Variants in NUP98 observed in about 807,000 individuals in gnomAD.
The protein encoded by NUP98 is nuclear pore complex protein Nup98-Nup96.
Under a neutral mutation model 191.9 loss-of-function variants are expected in NUP98, and 26 were observed. The observed-to-expected ratio is 0.14, with a 90% CI of 0.10 to 0.19. The LOEUF is 0.19. Among genes scored for constraint, NUP98 ranks in the 10% least tolerant of loss-of-function variants. The probability of loss-of-function intolerance (pLI) is 1.00; values close to 1 mark genes in which losing one functional copy is unlikely to be tolerated. For missense variants in NUP98, 1,941 were observed against 2,178.8 expected (o/e 0.89, Z 2.17); for synonymous variants, 808 against 778.4 (o/e 1.04, Z -0.63).
At chr11:3,738,197 T>G (rs2080147031) in intron 12 of NUP98, among the ~76,000 whole-genome samples, 1 of 151,830 alleles carries the variant, frequency 6.6e-6, no homozygotes, top group Non-Finnish European at 1.5e-5. Context: ...TTGTGTTAAC[T>G]GTAGTATTTA....
chr11:3,726,697 A>G (rs888105589), intron 14 of NUP98, among the ~76,000 whole-genome samples: 19 of 152,160 alleles, frequency 1.2e-4, no homozygotes, highest in African/African-American at 3.6e-4. Context: ...TCCCCCAAAC[A>G]GTCTTATAAA....
Position 3,735,203 on chromosome 11 carries a change from C to A in NUP98, c.1530G>T (p.Lys510Asn), listed in dbSNP as rs1352305637. The A allele has an allele frequency of 1.3e-6, 2 of 1,586,800 alleles. No individual in the cohort carries two copies. Among genetic ancestry groups the A allele is most frequent in the Admixed American group, 3.5e-5 (2 of 57,654 alleles). Residue 510 changes from lysine (K) to asparagine (N), a missense_variant, in exon 13 of 33, where the codon AAG (lysine) becomes AAT (asparagine). This residue lies in a region of NUP98 where 453 missense variants were observed against 438.2 expected (regional missense o/e 1.03). Transcript: ENST00000324932. The stretch of plus-strand genomic sequence containing the variant: ...TCCTTAAATTTACCTCTTCCTTCTT[C>A]TTAGGGTCTGACATCGGATTCCGGA... ...PLFRNPMSDP[K>N]KKEERLKPTN...
Position 3,712,401 on chromosome 11 carries a change from G to A in NUP98, c.2742+163C>T, listed in dbSNP as rs998004083. 75 of 1,417,098 alleles carry A rather than the reference G, an allele frequency of 5.3e-5. No homozygotes were observed. In the African/African-American group the frequency reaches 9.0e-4, roughly 17 times the overall value. 87.8% of individuals were successfully genotyped at this position (1,417,098 alleles called of 1,614,324 possible). On this transcript the variant is annotated intron_variant, in intron 20 of 32. Transcript: ENST00000324932. Reference sequence around the variant, plus strand: ...CTCTCCAGTAAAAAGACAGATGCCTGCAAGACCTCACGCCCTCCCTTGCAC... The same window carrying A: ...CTCTCCAGTAAAAAGACAGATGCCTACAAGACCTCACGCCCTCCCTTGCAC...
chr11:3,794,988 A>G (rs1039944342), intron 1 of NUP98, among the ~76,000 whole-genome samples: 2 of 152,218 alleles, frequency 1.3e-5, no homozygotes, highest in African/African-American at 2.4e-5. Context: ...TAGTCTCATT[A>G]TTGGAAATTA....
chr11:3,784,596 C>CAAA (rs60126486), intron 1 of NUP98, among the ~76,000 whole-genome samples: 7,866 of 141,844 alleles, frequency 0.055, 297 homozygotes, highest in Middle Eastern at 0.089. Flanking sequence ...AAAAAAAAAA[C>CAAA]AAAAAAAAAC....
At position 3,675,308 on chromosome 11, in the gene NUP98, G is replaced by T. The variant is rs1452870060; in HGVS notation, c.*851C>A. ...TCATGGTTTGTTTTTGCTTCTGGAA[G>T]GGGTAGATGGAGGGTGGGAAATGCT... On this transcript the variant is annotated 3_prime_UTR_variant, in exon 33 of 33. Coordinates refer to ENST00000324932, the MANE Select transcript of NUP98 (RefSeq NM_016320.5). 4.6e-6 allele frequency: 1 copy of T among 217,992 alleles called. No homozygotes were observed. The highest frequency in any genetic ancestry group is 9.2e-6 in the Non-Finnish European group (1 of 108,226). 13.5% of individuals were successfully genotyped at this position (217,992 alleles called of 1,614,324 possible).
chr11:3,725,688 T>C (rs2079589217), intron 14 of NUP98, among the ~76,000 whole-genome samples: 1 of 152,246 alleles, frequency 6.6e-6, no homozygotes, highest in Non-Finnish European at 1.5e-5. Context: ...TTTTTCTTTT[T>C]ACTTTCTTTG....
intron 29 of NUP98, among the ~76,000 whole-genome samples, chr11:3,683,739 T>C (rs2078050127): frequency 6.6e-6 from 1 of 151,794 alleles, no homozygotes; most frequent in Admixed American, 6.6e-5. Context: ...GGTTTCTCCA[T>C]GTTGGTTGGG....
intron 11 of NUP98, among the ~76,000 whole-genome samples, chr11:3,751,478 AAAC>A (rs1564884173): frequency 6.6e-6 from 1 of 152,234 alleles, no homozygotes; most frequent in African/African-American, 2.4e-5. Context: ...GATACATGCC[AAAC>A]AACCCTAATC....
At chr11:3,721,020 G>T (rs925804582) in intron 16 of NUP98, 195 bp from the exon 17 acceptor site, 6 of 371,820 alleles carry the variant, frequency 1.6e-5, no homozygotes, top group Admixed American at 8.6e-5. Flanking sequence ...AAAGCTTCAT[G>T]GTCAAATAGG....
chr11:3,761,143 G>A (rs891622786), intron 9 of NUP98, among the ~76,000 whole-genome samples: 1 of 152,182 alleles, frequency 6.6e-6, no homozygotes, highest in African/African-American at 2.4e-5. Context: ...GTAGGCTTAA[G>A]ATGATTACAG....
At chr11:3,677,373 G>C (rs1399484477) in intron 31 of NUP98, among the ~76,000 whole-genome samples, 3 of 148,420 alleles carry the variant, frequency 2.0e-5, no homozygotes, top group Non-Finnish European at 4.5e-5. Flanking sequence ...AGAAGAAGCA[G>C]AACAAGATAA....
intron 11 of NUP98, among the ~76,000 whole-genome samples, chr11:3,753,004 A>G (rs1452874832): frequency 6.6e-6 from 1 of 152,218 alleles, no homozygotes; most frequent in Non-Finnish European, 1.5e-5. Context: ...CCCTGTTACA[A>G]AAGTAACATG....
At chr11:3,778,198 CAAAAAAAAAAAAA>C (rs71302029) in intron 4 of NUP98, among the ~76,000 whole-genome samples, 7 of 60,514 alleles carry the variant, frequency 1.2e-4, no homozygotes, top group East Asian at 5.0e-4. Context: ...GACTCCATCT[CAAAAAAAAAAAAA>C]AAAAAAAAAG....
At chr11:3,796,312 A>G (rs1214488510) in intron 1 of NUP98, among the ~76,000 whole-genome samples, 1 of 152,182 alleles carries the variant, frequency 6.6e-6, no homozygotes, top group Non-Finnish European at 1.5e-5. Context: ...AGTCTTATCA[A>G]TATTTCCTGC....
At position 3,779,023 on chromosome 11, in the gene NUP98, T is replaced by C; in HGVS notation, c.205A>G (p.Ser69Gly). The change falls in exon 4 of 33, where the codon AGC becomes GGC. Residue 69 changes from serine to glycine, a missense_variant. This residue lies in a region of NUP98 where 154 missense variants were observed against 182.9 expected (regional missense o/e 0.84). Transcript: ENST00000324932. ...PGGLFGTSSF[S>G]QPATSTSTGF... ...GTGCTTGTGGAGGTAGCTGGCTGGC[T>C]AAATGAACTGGTTCCAAACAATCCT... The C allele has an allele frequency of 6.2e-7, 1 of 1,614,228 alleles. No homozygotes were observed. Among genetic ancestry groups the C allele is most frequent in the Non-Finnish European group, 8.5e-7 (1 of 1,180,048 alleles).
chr11:3,778,198 CA>C (rs71302029), intron 4 of NUP98, among the ~76,000 whole-genome samples: 8,125 of 60,444 alleles, frequency 0.13, 156 homozygotes, highest in African/African-American at 0.19. Flanking sequence ...GACTCCATCT[CA>C]AAAAAAAAAA....
chr11:3,758,398 C>CA (rs984790464), intron 10 of NUP98, among the ~76,000 whole-genome samples: 1 of 151,762 alleles, frequency 6.6e-6, no homozygotes, highest in Non-Finnish European at 1.5e-5. Flanking sequence ...AAATAGTCTA[C>CA]AAACGGTCCA....
intron 12 of NUP98, among the ~76,000 whole-genome samples, chr11:3,737,221 A>G (rs906836779): frequency 6.6e-6 from 1 of 152,042 alleles, no homozygotes; most frequent in Non-Finnish European, 1.5e-5. Context: ...AGTTACTGCC[A>G]AAATATAATA....
Sources: gnomAD v4.1 joint callset for allele counts (sites outside exome capture counted in the v4.1 genomes callset) on GRCh38, gnomAD v4.1.1 for gene constraint, gnomAD v4.1.1 regional missense constraint, MANE v1.5 for transcripts, NCBI Gene and HGNC (gene_info 2026-07-23, HGNC 2026-07-21) for gene names.